The following ATP9B variants were observed in gnomAD, a reference collection of about 807,000 sequenced individuals.
The protein encoded by ATP9B is ATPase phospholipid transporting 9B, also known as probable phospholipid-transporting ATPase IIB.
A neutral mutation model predicts 146.1 loss-of-function variants in ATP9B; 110 were observed. The ratio of observed to expected loss-of-function variants is 0.75; its 90% CI spans 0.65 to 0.88. ATP9B has a LOEUF of 0.88. Among genes scored for constraint, ATP9B ranks in the 40% least tolerant of loss-of-function variants. The pLI is 0.00. For missense variants in ATP9B, 1,499 were observed against 1,496.4 expected (o/e 1.00, Z -0.03); for synonymous variants, 604 against 569.7 (o/e 1.06, Z -0.86).
intron 13 of ATP9B, among the ~76,000 whole-genome samples, chr18:79,299,181 A>G (rs1487313971): frequency 1.3e-5 from 2 of 150,984 alleles, no homozygotes; most frequent in Non-Finnish European, 2.9e-5. Flanking sequence ...TTACCTGGAC[A>G]GGGCCCATCC....
chr18:79,263,317 C>A (rs896585476), intron 12 of ATP9B, among the ~76,000 whole-genome samples: 9 of 152,188 alleles, frequency 5.9e-5, no homozygotes, highest in Non-Finnish European at 4.4e-5. Context: ...CCCTGCAAAA[C>A]CTACCCGTGG....
At chr18:79,355,301 C>T (rs2096944680) in intron 25 of ATP9B, among the ~76,000 whole-genome samples, 1 of 152,176 alleles carries the variant, frequency 6.6e-6, no homozygotes. Context: ...CAATAGAAGC[C>T]AGCCCTGAGA....
chr18:79,227,195 C>T (rs1320714408), intron 11 of ATP9B, among the ~76,000 whole-genome samples: 1 of 151,990 alleles, frequency 6.6e-6, no homozygotes, highest in African/African-American at 2.4e-5. Flanking sequence ...TTTGTTTTTA[C>T]TTCCACAGAC....
rs188479985 is a variant in ATP9B at position 79,122,012 on chromosome 18, G to A, written c.559-4255G>A. On this transcript the variant is annotated intron_variant, in intron 4 of 29. Coordinates refer to ENST00000426216, the MANE Select transcript of ATP9B (RefSeq NM_198531.5). ...GCTGTCTTTAAGCCATAAGTTTAAA[G>A]GGGTGAAAATTAGAGTCACCTGGAG... 1.4e-4 allele frequency among the ~76,000 whole-genome samples: 21 copies of A among 152,260 alleles called. No individual in the cohort carries two copies. The East Asian group carries it at 3.9e-3, about 28-fold the overall frequency.
chr18:79,105,099 G>C (rs2075566774), intron 2 of ATP9B, among the ~76,000 whole-genome samples: 2 of 152,188 alleles, frequency 1.3e-5, no homozygotes, highest in Non-Finnish European at 2.9e-5. Context: ...TTGTCATGCT[G>C]TTCTTATTCA....
intron 15 of ATP9B, among the ~76,000 whole-genome samples, chr18:79,310,734 C>A (rs750706349): frequency 1.3e-5 from 2 of 152,186 alleles, no homozygotes; most frequent in Non-Finnish European, 2.9e-5. Context: ...GAAAGATATA[C>A]ACAGAAGCAA....
At chr18:79,342,720 C>T in intron 20 of ATP9B, among the ~76,000 whole-genome samples, 1 of 151,942 alleles carries the variant, frequency 6.6e-6, no homozygotes. Flanking sequence ...GTATTTTTTG[C>T]TTATACTATT....
chr18:79,181,137 C>G (rs903823091), intron 8 of ATP9B, among the ~76,000 whole-genome samples: 1 of 152,104 alleles, frequency 6.6e-6, no homozygotes, highest in African/African-American at 2.4e-5. Context: ...TGAAGGATGT[C>G]TTGAAGTTTT....
At chr18:79,346,111 C>T (rs577587905) in intron 23 of ATP9B, among the ~76,000 whole-genome samples, 1 of 147,432 alleles carries the variant, frequency 6.8e-6, no homozygotes, top group African/African-American at 2.5e-5. Flanking sequence ...ACACGGTCAT[C>T]ACACGTCAGC....
chr18:79,181,529 A>G (rs1241549904), intron 8 of ATP9B, among the ~76,000 whole-genome samples: 4 of 152,214 alleles, frequency 2.6e-5, no homozygotes, highest in African/African-American at 9.6e-5. Flanking sequence ...AAGAACTTCA[A>G]TGACATGGGA....
intron 8 of ATP9B, among the ~76,000 whole-genome samples, chr18:79,183,371 A>C (rs72996143): frequency 0.087 from 13,245 of 152,226 alleles, 654 homozygotes; most frequent in African/African-American, 0.11. Flanking sequence ...TAATCAATTA[A>C]TCTTTCACTG....
At chr18:79,129,605 G>T (rs1193645673) in intron 5 of ATP9B, among the ~76,000 whole-genome samples, 1 of 151,992 alleles carries the variant, frequency 6.6e-6, no homozygotes. Flanking sequence ...CCATGATAAA[G>T]AATACACACT....
chr18:79,377,508 CG>C lies in ATP9B; in HGVS notation c.*126del. 7.7e-7 allele frequency: 1 copy of C among 1,290,416 alleles called. No homozygotes were observed. The allele number at this position is 1,290,416 out of a possible 1,614,324, so 79.9% of individuals were successfully genotyped here. On this transcript the variant is annotated 3_prime_UTR_variant, in exon 30 of 30. Transcript: ENST00000426216. Reference sequence around the variant, plus strand: ...CAAGCACCACAAGAAAGGGAGGGTACGCCAGGCGAGCCCAGGGCACAGATGC... The same window carrying C: ...CAAGCACCACAAGAAAGGGAGGGTACCCAGGCGAGCCCAGGGCACAGATGC...
chr18:79,217,074 G>A (rs2095633902), intron 11 of ATP9B, among the ~76,000 whole-genome samples: 1 of 152,214 alleles, frequency 6.6e-6, no homozygotes, highest in Non-Finnish European at 1.5e-5. Flanking sequence ...TGTAGAGCCG[G>A]GGAGATCACA....
intron 11 of ATP9B, among the ~76,000 whole-genome samples, chr18:79,224,525 T>G (rs2095710586): frequency 6.6e-6 from 1 of 152,164 alleles, no homozygotes; most frequent in African/African-American, 2.4e-5. Context: ...CTGGGGTTCA[T>G]GGACATGCCC....
At chr18:79,286,456 G>C (rs907544783) in intron 13 of ATP9B, among the ~76,000 whole-genome samples, 1 of 151,764 alleles carries the variant, frequency 6.6e-6, no homozygotes, top group Non-Finnish European at 1.5e-5. Flanking sequence ...TGTGATTTTT[G>C]TACATTGATT....
chr18:79,140,947 A>G (rs539654151), intron 5 of ATP9B, among the ~76,000 whole-genome samples: 5 of 152,326 alleles, frequency 3.3e-5, no homozygotes, highest in South Asian at 4.1e-4. Flanking sequence ...ATGGAAGGGA[A>G]CATTTATTGC....
intron 14 of ATP9B, among the ~76,000 whole-genome samples, chr18:79,304,097 T>C (rs942657079): frequency 1.1e-4 from 17 of 152,172 alleles, no homozygotes; most frequent in African/African-American, 3.9e-4. Context: ...TAAATTCTTT[T>C]TTTGCCTTTT....
chr18:79,243,843 G>C (rs542427156), intron 11 of ATP9B, among the ~76,000 whole-genome samples: 2 of 152,284 alleles, frequency 1.3e-5, no homozygotes, highest in Admixed American at 6.5e-5. Context: ...GTTTTTCACT[G>C]ATACTGTTTA....
Sources: gnomAD v4.1 joint callset for allele counts (sites outside exome capture counted in the v4.1 genomes callset) on GRCh38, gnomAD v4.1.1 for gene constraint, MANE v1.5 for transcripts, NCBI Gene and HGNC (gene_info 2026-07-23, HGNC 2026-07-21) for gene names.